JMJD1C: variants seen among roughly 807,000 people sequenced by gnomAD.
The protein encoded by JMJD1C is jumonji domain containing 1C.
In JMJD1C, 31 loss-of-function variants were observed where a neutral mutation model predicts 245.3. The observed-to-expected ratio is 0.13, with a 90% CI of 0.09 to 0.17. JMJD1C has a LOEUF of 0.17. Ranked by LOEUF, JMJD1C falls within the 10% of genes least tolerant of loss-of-function variation. The pLI is 1.00. For missense variants in JMJD1C, 2,691 were observed against 3,000.2 expected (o/e 0.90, Z 2.41); for synonymous variants, 1,057 against 1,017.4 (o/e 1.04, Z -0.74).
chr10:63,305,357 A>C, intron 2 of JMJD1C, among the ~76,000 whole-genome samples: 1 of 109,218 alleles, frequency 9.2e-6, no homozygotes. Flanking sequence ...ACGGAGCAAG[A>C]CTCCACCTCA....
chr10:63,225,335 G>A (rs780864432), intron 3 of JMJD1C, among the ~76,000 whole-genome samples: 3 of 152,116 alleles, frequency 2.0e-5, no homozygotes, highest in Non-Finnish European at 4.4e-5. Context: ...TGCTTTATTA[G>A]AAATGTATAC....
chr10:63,222,920 G>C (rs1418948944), intron 3 of JMJD1C: 3 of 1,503,422 alleles, frequency 2.0e-6, no homozygotes, highest in East Asian at 2.3e-5. Flanking sequence ...CTGCTTAAAA[G>C]ACAGAAATGA....
chr10:63,344,210 T>C (rs1010123018), intron 2 of JMJD1C, among the ~76,000 whole-genome samples: 3 of 152,232 alleles, frequency 2.0e-5, no homozygotes, highest in African/African-American at 7.2e-5. Context: ...AAGTAACCTG[T>C]ATAGTATTTC....
At chr10:63,446,697 T>C (rs1951738699) in intron 1 of JMJD1C, among the ~76,000 whole-genome samples, 3 of 152,206 alleles carry the variant, frequency 2.0e-5, no homozygotes, top group Non-Finnish European at 4.4e-5. Flanking sequence ...TGATTAACCA[T>C]ATTAAATGCT....
chr10:63,346,861 T>C lies in JMJD1C; in HGVS notation c.333+33457A>G, dbSNP rs538964072. ...ATAATTTAGCGCAACTAAAATATCA[T>C]TTTAAAAGGCAGTTTTAAAGTTCAT... On this transcript the variant is annotated intron_variant, in intron 2 of 25. Transcript: ENST00000399262. Among the ~76,000 whole-genome samples, 6 of 152,274 alleles carry C rather than the reference T, an allele frequency of 3.9e-5. No individual in the cohort carries two copies. The South Asian group carries it at 1.2e-3, about 32-fold the overall frequency.
chr10:63,235,816 T>A (rs960495850), intron 3 of JMJD1C, among the ~76,000 whole-genome samples: 2 of 152,322 alleles, frequency 1.3e-5, no homozygotes, highest in African/African-American at 4.8e-5. Flanking sequence ...TGCGCTTGCA[T>A]AATCAAAATT....
chr10:63,441,939 T>C (rs1009054435), intron 1 of JMJD1C, among the ~76,000 whole-genome samples: 1 of 152,214 alleles, frequency 6.6e-6, no homozygotes, highest in African/African-American at 2.4e-5. Context: ...CCCAAGTGAA[T>C]AACATGTACT....
At chr10:63,205,287 G>C (rs144631190) in intron 10 of JMJD1C, among the ~76,000 whole-genome samples, 1 of 152,238 alleles carries the variant, frequency 6.6e-6, no homozygotes, top group Non-Finnish European at 1.5e-5. Context: ...TAAATAGATA[G>C]TAATTTCCAT....
At chr10:63,319,408 T>C (rs538008171) in intron 2 of JMJD1C, among the ~76,000 whole-genome samples, 2 of 152,172 alleles carry the variant, frequency 1.3e-5, no homozygotes, top group South Asian at 2.1e-4. Context: ...TTTCTTTATC[T>C]CTGGCAGTCT....
At chr10:63,464,261 A>G (rs1953018529) in intron 1 of JMJD1C, among the ~76,000 whole-genome samples, 1 of 152,226 alleles carries the variant, frequency 6.6e-6, no homozygotes, top group South Asian at 2.1e-4. Context: ...CTATTTTGCG[A>G]TATCGAGTCA....
At chr10:63,389,328 A>G (rs1460654710) in intron 1 of JMJD1C, among the ~76,000 whole-genome samples, 16 of 147,116 alleles carry the variant, frequency 1.1e-4, no homozygotes, top group South Asian at 4.2e-4. Context: ...AAAAAAAAAA[A>G]GAAAAAGAAA....
In JMJD1C at chr10:63,198,727, C is replaced by T; in HGVS notation, c.5277G>A (p.Arg1759=). The change falls in exon 12 of 26, where the codon CGG becomes CGA. Residue 1759 remains arginine (R), a splice_region_variant and synonymous_variant. Coordinates refer to ENST00000399262, the MANE Select transcript of JMJD1C (RefSeq NM_032776.3). ...PVFCRFYYFR[R]LSFSKNGVVR... ...CTACTCCGTTTTTACTAAATGACAA[C>T]CTGAAATATTAAAACATAAAAGTAT... 6.4e-7 allele frequency: 1 copy of T among 1,565,786 alleles called. No homozygotes were observed. Among genetic ancestry groups the T allele is most frequent in the Non-Finnish European group, 8.7e-7 (1 of 1,150,174 alleles).
At chr10:63,326,422 A>AAATAT (rs1388488442) in intron 2 of JMJD1C, among the ~76,000 whole-genome samples, 1 of 145,182 alleles carries the variant, frequency 6.9e-6, no homozygotes, top group African/African-American at 2.5e-5. Flanking sequence ...ATAAATAAAT[A>AAATAT]AATAAAGATA....
chr10:63,230,670 G>T (rs1410942475), intron 3 of JMJD1C, among the ~76,000 whole-genome samples: 1 of 151,732 alleles, frequency 6.6e-6, no homozygotes, highest in African/African-American at 2.4e-5. Context: ...AGCTACTTGA[G>T]AGGCTGAGGC....
intron 2 of JMJD1C, among the ~76,000 whole-genome samples, chr10:63,327,769 A>C (rs1394437399): frequency 6.6e-6 from 1 of 151,992 alleles, no homozygotes; most frequent in South Asian, 2.1e-4. Context: ...CCCAGATTCA[A>C]GCGATTCTCC....
intron 18 of JMJD1C, among the ~76,000 whole-genome samples, chr10:63,187,595 G>A (rs1010750661): frequency 3.3e-5 from 5 of 152,008 alleles, no homozygotes; most frequent in African/African-American, 1.2e-4. Context: ...GAACCACCAC[G>A]TCTGGCTAAT....
intron 2 of JMJD1C, among the ~76,000 whole-genome samples, chr10:63,336,277 A>G (rs1942722165): frequency 6.6e-6 from 1 of 152,052 alleles, no homozygotes; most frequent in Non-Finnish European, 1.5e-5. Context: ...CCTGGCCAAC[A>G]TGGTGAATCC....
In JMJD1C at chr10:63,206,125, A is replaced by T. The variant is rs559891339; in HGVS notation, c.5074+470T>A. On this transcript the variant is annotated intron_variant, in intron 10 of 25. Coordinates refer to ENST00000399262, the MANE Select transcript of JMJD1C (RefSeq NM_032776.3). ...GAACCAATCCCCCACAGGTATACCC[A>T]GGGACAACTGTAACTATCTTCTAGA... 3.3e-5 allele frequency among the ~76,000 whole-genome samples: 5 copies of T among 152,340 alleles called. No individual in the cohort carries two copies. In the South Asian group the frequency reaches 8.3e-4, roughly 25 times the overall value.
intron 2 of JMJD1C, among the ~76,000 whole-genome samples, chr10:63,285,087 C>A (rs1160693447): frequency 1.3e-5 from 2 of 152,192 alleles, no homozygotes; most frequent in African/African-American, 2.4e-5. Flanking sequence ...CCTACAAGCA[C>A]CACTGTCACA....
Sources: gnomAD v4.1 joint callset for allele counts (sites outside exome capture counted in the v4.1 genomes callset) on GRCh38, gnomAD v4.1.1 for gene constraint, MANE v1.5 for transcripts, NCBI Gene and HGNC (gene_info 2026-07-23, HGNC 2026-07-21) for gene names.